Variants in CETP observed in about 807,000 individuals in gnomAD.
CETP encodes the protein BPI fold containing family F.
In CETP, 56 loss-of-function variants were observed where a neutral mutation model predicts 66.5. The observed-to-expected ratio is 0.84, with a 90% confidence interval of 0.68 to 1.05. The LOEUF is 1.05. Among genes scored for constraint, CETP ranks in the 50% least tolerant of loss-of-function variants. The pLI, the probability that CETP is intolerant of heterozygous loss-of-function variation, is 0.00. For missense variants in CETP, 612 were observed against 609.6 expected (o/e 1.00, Z -0.04); for synonymous variants, 251 against 245.7 (o/e 1.02, Z -0.20).
chr16:56,975,429 G>T (rs767193947), intron 10 of CETP, among the ~76,000 whole-genome samples: 2 of 152,166 alleles, frequency 1.3e-5, no homozygotes, highest in Non-Finnish European at 2.9e-5. Flanking sequence ...CAGCTCTATT[G>T]CCCCCAAAGA....
intron 12 of CETP, 69 bp downstream of exon 12, chr16:56,981,294 C>T (rs2056185786): frequency 9.4e-6 from 12 of 1,273,216 alleles, no homozygotes; most frequent in African/African-American, 1.5e-5. Context: ...TGGAGTCAGG[C>T]ACAGGGCGGG....
At chr16:56,983,472 C>A in intron 15 of CETP, 61 bp downstream of exon 15, 1 of 1,597,572 alleles carries the variant, frequency 6.3e-7, no homozygotes, top group South Asian at 1.1e-5. Flanking sequence ...AGACAGGATT[C>A]CTGGGGTGAC....
rs201234837 is a variant in CETP, at chr16:56,962,052, G to A, written c.73G>A (p.Glu25Lys). The change falls in exon 1 of 16, where the codon GAG becomes AAG. Residue 25 changes from glutamate (E) to lysine (K), a missense_variant. Transcript: ENST00000200676. ...TGCCTGCTCCAAAGGCACCTCGCAC[G>A]AGGCAGGCATCGTGTGCCGCATCAC... ...AHACSKGTSH[E>K]AGIVCRITKP... The A allele has an allele frequency of 1.2e-5, 19 of 1,614,030 alleles. No individual in the cohort carries two copies. The highest frequency in any genetic ancestry group is 7.7e-5 in the South Asian group (7 of 91,082).
chr16:56,963,928 C>T (rs747620109), intron 2 of CETP, among the ~76,000 whole-genome samples: 3 of 152,022 alleles, frequency 2.0e-5, no homozygotes, highest in South Asian at 4.1e-4. Context: ...CTCAGTCTCC[C>T]GAAGTGCTGG....
chr16:56,966,113 A>C (rs2056064230), intron 2 of CETP, among the ~76,000 whole-genome samples: 1 of 152,184 alleles, frequency 6.6e-6, no homozygotes, highest in African/African-American at 2.4e-5. Flanking sequence ...ACATGACACA[A>C]GTTTACCATT....
chr16:56,965,713 T>C lies in CETP; in HGVS notation c.233+2589T>C, dbSNP rs1453988291. Reference sequence around the variant, plus strand: ...GCCGCTTCTATTGTGTCATATTCCATGTGCTCAAGCCGGGCCCTGGGGGAG... The same window carrying C: ...GCCGCTTCTATTGTGTCATATTCCACGTGCTCAAGCCGGGCCCTGGGGGAG... On this transcript the variant is annotated intron_variant, in intron 2 of 15. Transcript: ENST00000200676. Among the ~76,000 whole-genome samples the C allele has an allele frequency of 4.6e-5, 7 of 152,274 alleles. No individual in the cohort carries two copies. In the East Asian group the frequency reaches 1.3e-3, roughly 29 times the overall value.
At position 56,983,803 on chromosome 16, in the gene CETP, C is replaced by A; in HGVS notation, c.*137C>A. ...GATGGAGATTGGCTCCCAACTCCTC[C>A]CTATCCTAAAGGCCCACTGGCATTA... On this transcript the variant is annotated 3_prime_UTR_variant, in exon 16 of 16. Transcript: ENST00000200676. 1.2e-6 allele frequency: 1 copy of A among 818,520 alleles called. No individual in the cohort carries two copies. The highest frequency in any genetic ancestry group is 1.7e-5 in the African/African-American group (1 of 59,842). 50.7% of individuals were successfully genotyped at this position (818,520 alleles called of 1,614,324 possible). A position where few individuals can be genotyped will look rare whatever the true frequency, so the allele number is the denominator to read the frequency against.
chr16:56,969,490 C>T lies in CETP; in HGVS notation c.338C>T (p.Thr113Ile), dbSNP rs766143072. The change falls in exon 3 of 16, where the codon ACC becomes ATC. Residue 113 changes from threonine to isoleucine, a missense_variant. By Grantham distance (89) the Thr-to-Ile change is moderately conservative. Transcript: ENST00000200676. ...AACGTGTCTGTGGTCTTCAAGGGGA[C>T]CCTGAAGTATGGCTACACCACTGCC... Reference protein sequence around the residue: ...IQNVSVVFKGTLKYGYTTAWW... With the variant: ...IQNVSVVFKGILKYGYTTAWW... 3.7e-6 allele frequency: 6 copies of T among 1,614,092 alleles called. No individual in the cohort carries two copies. The South Asian group carries it at 6.6e-5, about 18-fold the overall frequency.
intron 10 of CETP, 70 bp downstream of exon 10, chr16:56,975,221 CCA>C: frequency 7.5e-7 from 1 of 1,331,392 alleles, no homozygotes; most frequent in Admixed American, 1.7e-5. Flanking sequence ...TCAAGAGCCC[CCA>C]CACAGCCAAT....
At chr16:56,962,640 C>G (rs1481453786) in intron 1 of CETP, among the ~76,000 whole-genome samples, 1 of 152,124 alleles carries the variant, frequency 6.6e-6, no homozygotes, top group Non-Finnish European at 1.5e-5. Flanking sequence ...TCGCCAAGTT[C>G]AAAAGCCAGA....
At chr16:56,981,268 C>T (rs2056185560) in intron 12 of CETP, 43 bp downstream of exon 12, 2 of 1,483,000 alleles carry the variant, frequency 1.3e-6, no homozygotes, top group African/African-American at 2.8e-5. Flanking sequence ...ACTCCGCAAA[C>T]CTCTCCCTGG....
At chr16:56,967,175 C>T (rs1307288099) in intron 2 of CETP, among the ~76,000 whole-genome samples, 1 of 151,126 alleles carries the variant, frequency 6.6e-6, no homozygotes, top group African/African-American at 2.4e-5. Flanking sequence ...TGGTGAAACC[C>T]TATCTCTATT....
At chr16:56,976,916 A>G (rs11860407) in intron 10 of CETP, among the ~76,000 whole-genome samples, 50,416 of 150,508 alleles carry the variant, frequency 0.33, 8,646 homozygotes, top group African/African-American at 0.35. Context: ...TAATTAATTT[A>G]TTTATTTTTG....
At position 56,982,173 on chromosome 16, in the gene CETP, C is replaced by T. The variant is rs376545293; in HGVS notation, c.1257C>T (p.Ser419=). ...KTVSNLTESS[S]ESVQSFLQSM... is the part of the protein sequence containing the mutation. The stretch of plus-strand genomic sequence containing the variant: ...GGGCATTTGATTGGCAGAGCAGCTC[C>T]GAGTCCGTCCAGAGCTTCCTGCAGT... The change falls in exon 14 of 16, where the codon TCC becomes TCT. Residue 419 remains serine (S), a synonymous_variant. Coordinates refer to ENST00000200676, the MANE Select transcript of CETP (RefSeq NM_000078.3). 38 of 1,613,934 alleles carry T rather than the reference C, an allele frequency of 2.4e-5. No homozygotes were observed. Among genetic ancestry groups the T allele is most frequent in the Middle Eastern group, 1.6e-4 (1 of 6,082 alleles).
At chr16:56,981,275 C>A in intron 12 of CETP, 50 bp downstream of exon 12, 1 of 1,446,152 alleles carries the variant, frequency 6.9e-7, no homozygotes, top group Non-Finnish European at 9.7e-7. Flanking sequence ...AAACCTCTCC[C>A]TGGCCCCTTG....
At chr16:56,982,503 T>TTTGGTGTAGGAAACCCAGAAACCG in intron 14 of CETP, among the ~76,000 whole-genome samples, 1 of 152,284 alleles carries the variant, frequency 6.6e-6, no homozygotes, top group Admixed American at 6.5e-5. Flanking sequence ...GATGCAGGTC[T>TTTGGTGTAGGAAACCCAGAAACCG]CCTAATAGCA....
chr16:56,977,375 G>A (rs560666349), intron 10 of CETP, among the ~76,000 whole-genome samples: 40 of 152,202 alleles, frequency 2.6e-4, no homozygotes, highest in Non-Finnish European at 4.6e-4. Flanking sequence ...GGCTGCCTGC[G>A]CATTCCTTAT....
intron 2 of CETP, among the ~76,000 whole-genome samples, chr16:56,964,525 C>T (rs1416542255): frequency 6.6e-6 from 1 of 152,132 alleles, no homozygotes; most frequent in African/African-American, 2.4e-5. Context: ...AGCCTGGGTC[C>T]CGGTCTGTGT....
chr16:56,983,238 C>A, intron 14 of CETP, 88 bp from the exon 15 acceptor site: 1 of 1,016,388 alleles, frequency 9.8e-7, no homozygotes, highest in Non-Finnish European at 1.6e-6. Context: ...AAAAGGGTCT[C>A]AGCATCTCCC....
Sources: allele counts gnomAD v4.1 joint callset (sites outside exome capture counted in the v4.1 genomes callset), GRCh38; gene constraint gnomAD v4.1.1; transcripts MANE v1.5; gene names NCBI Gene and HGNC (gene_info 2026-07-23, HGNC 2026-07-21).